The following CNTNAP3 variants were observed in gnomAD, a reference collection of about 807,000 sequenced individuals.
CNTNAP3 encodes the protein contactin-associated protein-like 3.
Under a neutral mutation model 92.1 loss-of-function variants are expected in CNTNAP3, and 36 were observed. That is an observed-to-expected ratio of 0.39 (90% CI 0.30 to 0.52). The LOEUF is 0.52. Ranked by LOEUF, CNTNAP3 falls within the 20% of genes least tolerant of loss-of-function variation. CNTNAP3 has a pLI of 0.76. For missense variants in CNTNAP3, 534 were observed against 1,069.6 expected (o/e 0.50, Z 6.98); for synonymous variants, 232 against 422.3 (o/e 0.55, Z 5.53).
chr9:39,151,342 CAGG>C (rs1369947725), intron 9 of CNTNAP3, among the ~76,000 whole-genome samples: 1 of 147,422 alleles, frequency 6.8e-6, no homozygotes, highest in East Asian at 2.0e-4. Context: ...ATCATGACGT[CAGG>C]AGATCGAGAC....
At chr9:39,108,408 C>T (rs541110668) in intron 15 of CNTNAP3, among the ~76,000 whole-genome samples, 12 of 152,166 alleles carry the variant, frequency 7.9e-5, no homozygotes, top group East Asian at 1.9e-4. Context: ...CTGGCACACT[C>T]GGCAAGAATG....
At chr9:39,134,503 C>T (rs1273847953) in intron 12 of CNTNAP3, among the ~76,000 whole-genome samples, 5 of 152,012 alleles carry the variant, frequency 3.3e-5, no homozygotes, top group Non-Finnish European at 7.4e-5. Flanking sequence ...CAGCTCACTG[C>T]AGCCTCTGCC....
chr9:39,137,699 A>G (rs1301709489), intron 12 of CNTNAP3, among the ~76,000 whole-genome samples: 1 of 151,658 alleles, frequency 6.6e-6, no homozygotes, highest in Non-Finnish European at 1.5e-5. Flanking sequence ...TATTTTTAGT[A>G]GAGACAGGGT....
At position 39,072,499 on chromosome 9, in the gene CNTNAP3, C is replaced by T. The variant is rs1415885371; in HGVS notation, c.*1391G>A. Among the ~76,000 whole-genome samples the T allele has an allele frequency of 1.1e-4, 16 of 148,160 alleles. No individual in the cohort carries two copies. Among genetic ancestry groups the T allele is most frequent in the African/African-American group, 4.0e-4 (16 of 39,548 alleles). On this transcript the variant is annotated 3_prime_UTR_variant, in exon 24 of 24. Coordinates refer to ENST00000297668, the MANE Select transcript of CNTNAP3 (RefSeq NM_033655.5). The stretch of plus-strand genomic sequence containing the variant: ...TGTCTCCATAAAGTTAATTCCAATC[C>T]TTTGCTGTCTTAGTGTGTATGTAAA...
At chr9:39,083,615 CG>C (rs5897989) in intron 21 of CNTNAP3, among the ~76,000 whole-genome samples, 27,184 of 150,306 alleles carry the variant, frequency 0.18, 550 homozygotes, top group East Asian at 0.29. Flanking sequence ...GCCGAGATTG[CG>C]CCACTGCACT....
chr9:39,120,631 C>T (rs1820996619), intron 13 of CNTNAP3, among the ~76,000 whole-genome samples: 1 of 152,160 alleles, frequency 6.6e-6, no homozygotes, highest in South Asian at 2.1e-4. Flanking sequence ...GATTGTGCCA[C>T]TGCACTCCAA....
chr9:39,158,297 T>C (rs1176713829), intron 9 of CNTNAP3, among the ~76,000 whole-genome samples: 1 of 131,480 alleles, frequency 7.6e-6, no homozygotes, highest in Non-Finnish European at 1.6e-5. Context: ...ATCTTTTATT[T>C]AGGCCTATCT....
chr9:39,076,152 G>C (rs1410936567), intron 23 of CNTNAP3, among the ~76,000 whole-genome samples: 1 of 152,308 alleles, frequency 6.6e-6, no homozygotes, highest in Non-Finnish European at 1.5e-5. Flanking sequence ...TCTTGCCAGT[G>C]ATATTTGACC....
chr9:39,076,859 T>G (rs1359235821), intron 23 of CNTNAP3, among the ~76,000 whole-genome samples: 5 of 152,274 alleles, frequency 3.3e-5, no homozygotes, highest in African/African-American at 1.2e-4. Context: ...CCCCAGCTAC[T>G]TGGGCTGCTG....
intron 18 of CNTNAP3, among the ~76,000 whole-genome samples, chr9:39,097,287 T>C (rs1197558465): frequency 6.6e-6 from 1 of 152,124 alleles, no homozygotes; most frequent in African/African-American, 2.4e-5. Context: ...GCTACCAAGC[T>C]GTGTATTTTC....
chr9:39,140,128 C>T (rs1232216353), intron 12 of CNTNAP3: 1 of 155,384 alleles, frequency 6.4e-6, no homozygotes, highest in African/African-American at 2.4e-5. Context: ...CCATAAAAAT[C>T]ACTAAATTAT....
chr9:39,152,802 C>A (rs1463712224), intron 9 of CNTNAP3, among the ~76,000 whole-genome samples: 1 of 125,658 alleles, frequency 8.0e-6, no homozygotes, highest in African/African-American at 3.5e-5. Flanking sequence ...ACTACAGGCA[C>A]GCGCCACCAC....
At chr9:39,139,081 G>T (rs1445629097) in intron 12 of CNTNAP3, among the ~76,000 whole-genome samples, 5 of 152,112 alleles carry the variant, frequency 3.3e-5, no homozygotes, top group Admixed American at 6.5e-5. Flanking sequence ...TACAACTAGA[G>T]AATTTATTAC....
At chr9:39,125,345 C>T (rs1407622143) in intron 13 of CNTNAP3, among the ~76,000 whole-genome samples, 3 of 151,548 alleles carry the variant, frequency 2.0e-5, no homozygotes, top group Non-Finnish European at 4.4e-5. Context: ...ACATCACACA[C>T]TGGGGCCTGT....
rs188068979 is a variant in CNTNAP3 at position 39,148,850 on chromosome 9, T to C, written c.1649+956A>G. On this transcript the variant is annotated intron_variant, in intron 10 of 23. Coordinates refer to ENST00000297668, the MANE Select transcript of CNTNAP3 (RefSeq NM_033655.5). ...AGATTATCACTTTTTAATTTTTAAA[T>C]CTGTAGCATTTATTTATTCACTGAA... Among the ~76,000 whole-genome samples the C allele has an allele frequency of 5.3e-3, 808 of 152,266 alleles. 5 individuals are homozygous for C. Among genetic ancestry groups the C allele is most frequent in the African/African-American group, 0.019 (772 of 41,564 alleles).
intron 14 of CNTNAP3, among the ~76,000 whole-genome samples, chr9:39,117,699 C>T (rs1179818245): frequency 2.0e-5 from 3 of 152,050 alleles, no homozygotes; most frequent in African/African-American, 7.2e-5. Flanking sequence ...ATGTTAATTT[C>T]TAAAAGAAAG....
intron 21 of CNTNAP3, among the ~76,000 whole-genome samples, chr9:39,082,664 G>T (rs1365108745): frequency 6.6e-6 from 1 of 152,294 alleles, no homozygotes; most frequent in East Asian, 1.9e-4. Flanking sequence ...AAGCAACATT[G>T]AGGGATAAGG....
chr9:39,090,841 C>T (rs1193125761), intron 18 of CNTNAP3, among the ~76,000 whole-genome samples: 4 of 152,300 alleles, frequency 2.6e-5, no homozygotes, highest in Non-Finnish European at 4.4e-5. Context: ...AATATCTCTC[C>T]ATTTATTTAC....
At chr9:39,102,249 C>T (rs1467024328) in intron 17 of CNTNAP3, among the ~76,000 whole-genome samples, 2 of 152,414 alleles carry the variant, frequency 1.3e-5, no homozygotes, top group African/African-American at 4.8e-5. Context: ...CACTGCACTC[C>T]AGCCTGGGCG....
Sources: allele counts gnomAD v4.1 joint callset (sites outside exome capture counted in the v4.1 genomes callset), GRCh38; gene constraint gnomAD v4.1.1; transcripts MANE v1.5; gene names NCBI Gene and HGNC (gene_info 2026-07-23, HGNC 2026-07-21).